Variants in TCF4 observed in about 807,000 individuals in gnomAD.
TCF4 encodes transcription factor 4.
TCF4 carries 3 observed loss-of-function variants against 82.1 expected under a neutral mutation model. That is an observed-to-expected ratio of 0.04 (90% CI 0.02 to 0.09). The LOEUF (loss-of-function observed/expected upper bound fraction) is 0.09, where lower values mean the gene tolerates loss of function less well. Among genes scored for constraint, TCF4 ranks in the 10% least tolerant of loss-of-function variants. The pLI is 1.00. For synonymous variants in TCF4, 276 were observed against 309.6 expected, an observed-to-expected ratio of 0.89 and a Z score of 1.14; for missense variants, 518 against 852.7, an observed-to-expected ratio of 0.61 and a Z score of 4.89.
chr18:55,346,239 G>A (rs1221381986), intron 8 of TCF4, among the ~76,000 whole-genome samples: 3 of 152,092 alleles, frequency 2.0e-5, no homozygotes, highest in Non-Finnish European at 4.4e-5. Flanking sequence ...CTTTCCTTAT[G>A]AAAATTGGTG....
intron 8 of TCF4, among the ~76,000 whole-genome samples, chr18:55,332,758 G>C (rs1023648315): frequency 6.6e-6 from 1 of 152,240 alleles, no homozygotes; most frequent in Non-Finnish European, 1.5e-5. Context: ...TCAGTGCCAA[G>C]TGAGTGAAAA....
chr18:55,416,480 G>C (rs2094529041), intron 5 of TCF4, among the ~76,000 whole-genome samples: 1 of 152,164 alleles, frequency 6.6e-6, no homozygotes. Flanking sequence ...AAAAGGCTAA[G>C]AAGCGATTCC....
chr18:55,352,861 T>A (rs1327124198), intron 6 of TCF4, among the ~76,000 whole-genome samples: 2 of 152,194 alleles, frequency 1.3e-5, no homozygotes, highest in Non-Finnish European at 1.5e-5. Flanking sequence ...GTCCAAGTTT[T>A]CTTTGAAATT....
chr18:55,315,143 T>C (rs2073782946), intron 8 of TCF4, among the ~76,000 whole-genome samples: 1 of 152,152 alleles, frequency 6.6e-6, no homozygotes, highest in Non-Finnish European at 1.5e-5. Flanking sequence ...CTGCATTTTT[T>C]TTGGTTGAGC....
intron 8 of TCF4, among the ~76,000 whole-genome samples, chr18:55,323,044 T>C (rs1223275265): frequency 2.0e-5 from 3 of 152,218 alleles, no homozygotes; most frequent in Non-Finnish European, 4.4e-5. Flanking sequence ...TCCTTATAGA[T>C]GGCAAGGTTT....
intron 5 of TCF4, among the ~76,000 whole-genome samples, chr18:55,407,285 G>A (rs984677169): frequency 6.6e-6 from 1 of 152,092 alleles, no homozygotes; most frequent in African/African-American, 2.4e-5. Context: ...TCGACATATT[G>A]GCTAAACAAC....
intron 8 of TCF4, among the ~76,000 whole-genome samples, chr18:55,287,636 C>T (rs1178083463): frequency 6.6e-6 from 1 of 152,194 alleles, no homozygotes; most frequent in Non-Finnish European, 1.5e-5. Flanking sequence ...ATGGCCAGAA[C>T]ACAGCCCTGC....
intron 2 of TCF4, among the ~76,000 whole-genome samples, chr18:55,619,027 T>G (rs1408086086): frequency 6.6e-6 from 1 of 152,150 alleles, no homozygotes; most frequent in Non-Finnish European, 1.5e-5. Context: ...ATTCATAGAA[T>G]GAGATTAAGG....
intron 8 of TCF4, among the ~76,000 whole-genome samples, chr18:55,284,606 C>T (rs1422762181): frequency 1.3e-5 from 2 of 152,148 alleles, no homozygotes; most frequent in Non-Finnish European, 2.9e-5. Flanking sequence ...TTTACCACTC[C>T]TCCACGTTAC....
At chr18:55,329,125 G>C (rs2077076366) in intron 8 of TCF4, among the ~76,000 whole-genome samples, 1 of 152,308 alleles carries the variant, frequency 6.6e-6, no homozygotes, top group East Asian at 1.9e-4. Flanking sequence ...TACAGTGAGA[G>C]CATCCAACGT....
chr18:55,429,789 A>AAAAAAT (rs2095128565), intron 5 of TCF4, among the ~76,000 whole-genome samples: 1 of 150,396 alleles, frequency 6.6e-6, no homozygotes, highest in Non-Finnish European at 1.5e-5. Context: ...AAAAAAAAAA[A>AAAAAAT]CAATTTGGTC....
intron 2 of TCF4, among the ~76,000 whole-genome samples, chr18:55,620,634 G>A (rs773880866): frequency 1.3e-5 from 2 of 152,122 alleles, no homozygotes; most frequent in Admixed American, 6.6e-5. Flanking sequence ...ACTGAGTTCT[G>A]CTTAGGTTTT....
rs938116700 is a variant in TCF4 at position 55,593,668 on chromosome 18, G to A, written c.287-6532C>T. 2.0e-5 allele frequency among the ~76,000 whole-genome samples: 3 copies of A among 152,020 alleles called. 1 individual carries two copies. Among genetic ancestry groups the A allele is most frequent in the Non-Finnish European group, 4.4e-5 (3 of 67,992 alleles). ...AAATTCCATCCAGTTTGTTCTCCCC[G>A]AGTCCCACCTGTGTTAAAATAAACA... On this transcript the variant is annotated intron_variant, in intron 2 of 20. Transcript: ENST00000398339.
chr18:55,233,679 G>A (rs2048514755), intron 16 of TCF4, among the ~76,000 whole-genome samples: 1 of 151,952 alleles, frequency 6.6e-6, no homozygotes, highest in African/African-American at 2.4e-5. Flanking sequence ...AGCCAGGCAT[G>A]GTGATGCATG....
chr18:55,610,571 T>C (rs188898246), intron 2 of TCF4, among the ~76,000 whole-genome samples: 2 of 152,354 alleles, frequency 1.3e-5, no homozygotes, highest in Non-Finnish European at 2.9e-5. Context: ...TCTCACCATC[T>C]GTCTGACTCC....
At chr18:55,375,338 T>C (rs1264714305) in intron 6 of TCF4, among the ~76,000 whole-genome samples, 1 of 152,160 alleles carries the variant, frequency 6.6e-6, no homozygotes, top group African/African-American at 2.4e-5. Context: ...ATTTCTACTA[T>C]ATACATATAT....
In TCF4 at chr18:55,388,841, C is replaced by T. The variant is rs188789198; in HGVS notation, c.369+14613G>A. On this transcript the variant is annotated intron_variant, in intron 6 of 19. Coordinates refer to ENST00000354452, the MANE Select transcript of TCF4 (RefSeq NM_001083962.2). ...ACTGGATTAAAAATAATCCCAGCCT[C>T]GGCTGGGCACAGTGGCTCACAGCTG... 5.5e-3 allele frequency among the ~76,000 whole-genome samples: 843 copies of T among 152,202 alleles called. 2 individuals carry two copies. Among genetic ancestry groups the T allele is most frequent in the Middle Eastern group, 0.027 (8 of 294 alleles).
At position 55,256,368 on chromosome 18, in the gene TCF4, T is replaced by C. The variant is rs141282522; in HGVS notation, c.1146+947A>G. Among the ~76,000 whole-genome samples, 714 of 152,268 alleles carry C rather than the reference T, an allele frequency of 4.7e-3. 2 individuals carry two copies. Among genetic ancestry groups the C allele is most frequent in the Non-Finnish European group, 8.0e-3 (547 of 68,010 alleles). On this transcript the variant is annotated intron_variant, in intron 14 of 19. Transcript: ENST00000354452. ...ACACTAAAACAACTAATTATGTGGA[T>C]GTGGTCCGCAGATTAATTGGGCTGG...
intron 3 of TCF4, among the ~76,000 whole-genome samples, chr18:55,568,304 A>G (rs1326706039): frequency 6.6e-6 from 1 of 151,802 alleles, no homozygotes; most frequent in Non-Finnish European, 1.5e-5. Flanking sequence ...GTAATAAATA[A>G]GAAAAACTTC....
Sources: allele counts gnomAD v4.1 joint callset (sites outside exome capture counted in the v4.1 genomes callset), GRCh38; gene constraint gnomAD v4.1.1; transcripts MANE v1.5; gene names NCBI Gene and HGNC (gene_info 2026-07-23, HGNC 2026-07-21).